Variants in GALNT15 observed in about 807,000 individuals in gnomAD.
The protein encoded by GALNT15 is polypeptide N-acetylgalactosaminyltransferase 15.
GALNT15 carries 67 observed loss-of-function variants against 66.8 expected under a neutral mutation model. The ratio of observed to expected loss-of-function variants is 1.00; its 90% CI spans 0.82 to 1.23. GALNT15 has a LOEUF of 1.23. Ranked by LOEUF, GALNT15 falls within the 50% of genes most tolerant of loss-of-function variation. The pLI is 0.00. For synonymous variants in GALNT15, 313 were observed against 311.5 expected (o/e 1.00, Z -0.05); for missense variants, 827 against 804.3 (o/e 1.03, Z -0.34).
chr3:16,215,906 C>CAAAAAAAAAA, intron 6 of GALNT15, among the ~76,000 whole-genome samples: 1 of 102,616 alleles, frequency 9.7e-6, no homozygotes, highest in African/African-American at 3.6e-5. Context: ...GAGACTCCGC[C>CAAAAAAAAAA]AAAAAAAAAA....
chr3:16,199,670 AGTCC>A (rs2063678009), intron 2 of GALNT15, among the ~76,000 whole-genome samples: 1 of 151,384 alleles, frequency 6.6e-6, no homozygotes, highest in African/African-American at 2.4e-5. Context: ...TTTCAGGTGA[AGTCC>A]AGCCATAGCC....
chr3:16,185,266 C>T (rs2124844512), intron 1 of GALNT15, among the ~76,000 whole-genome samples: 1 of 152,316 alleles, frequency 6.6e-6, no homozygotes, highest in East Asian at 1.9e-4. Context: ...TTACTCTGAG[C>T]TTCCTGGCAG....
rs746532933 is a variant in GALNT15, at chr3:16,208,489, A to G, written c.912-14A>G. ...TGCTTTACGTCCCTTGTTTAATTCCACAATTCTTTCCAGGAGCCGAGTGGT... is the reference window on the plus strand; with the variant it reads ...TGCTTTACGTCCCTTGTTTAATTCCGCAATTCTTTCCAGGAGCCGAGTGGT... On this transcript the variant is annotated splice_polypyrimidine_tract_variant and intron_variant, in intron 3 of 9. Transcript: ENST00000339732. 7 of 1,612,866 alleles carry G rather than the reference A, an allele frequency of 4.3e-6. No homozygotes were observed. Among genetic ancestry groups the G allele is most frequent in the East Asian group, 2.2e-5 (1 of 44,860 alleles).
intron 8 of GALNT15, among the ~76,000 whole-genome samples, chr3:16,220,616 C>T (rs574303610): frequency 6.6e-6 from 1 of 152,230 alleles, no homozygotes; most frequent in Non-Finnish European, 1.5e-5. Context: ...CCTAGCTTGT[C>T]CCCAAGTCTC....
intron 1 of GALNT15, among the ~76,000 whole-genome samples, chr3:16,185,794 A>G (rs2063511331): frequency 6.6e-6 from 1 of 151,286 alleles, no homozygotes; most frequent in African/African-American, 2.4e-5. Context: ...TAGATAGATG[A>G]TAGATTATAG....
chr3:16,243,269 C>G, the GALNT15 span, among the ~76,000 whole-genome samples: 1 of 152,232 alleles, frequency 6.6e-6, no homozygotes, highest in Non-Finnish European at 1.5e-5. Context: ...TCTAAGCCCC[C>G]ATGGAAGTTC....
At chr3:16,232,269 T>G (rs2124914395), downstream of GALNT15, among the ~76,000 whole-genome samples, 1 of 151,454 alleles carries the variant, frequency 6.6e-6, no homozygotes, top group Non-Finnish European at 1.5e-5. Flanking sequence ...ACCAGTGACT[T>G]AAGAGATAAT....
chr3:16,178,563 G>A (rs1361180001), intron 1 of GALNT15, among the ~76,000 whole-genome samples: 1 of 152,128 alleles, frequency 6.6e-6, no homozygotes, highest in Non-Finnish European at 1.5e-5. Flanking sequence ...CCAGGCCTTG[G>A]CTGCAGACTC....
At chr3:16,222,811 G>A (rs2063960056) in intron 9 of GALNT15, 53 bp downstream of exon 9, 1 of 1,598,216 alleles carries the variant, frequency 6.3e-7, no homozygotes, top group African/African-American at 1.3e-5. Context: ...AGAAGGAACT[G>A]CTGGTTGGCA....
chr3:16,231,765 T>C (rs369334970), downstream of GALNT15: 5 of 1,502,720 alleles, frequency 3.3e-6, no homozygotes, highest in African/African-American at 4.2e-5. The surrounding 1 kb of genome is among the most constrained non-coding windows in gnomAD (Gnocchi z 4.1). Flanking sequence ...TTCCTCTCTC[T>C]CTCCCTCCCT....
At chr3:16,241,169 A>C in the GALNT15 span, among the ~76,000 whole-genome samples, 2 of 152,142 alleles carry the variant, frequency 1.3e-5, no homozygotes, top group African/African-American at 4.8e-5. This position sits in a 1 kb window ranked among gnomAD's most constrained non-coding sequence, Gnocchi z 4.6. Flanking sequence ...AATTATCAAA[A>C]AGATGTTTCC....
At chr3:16,233,100 T>TTTTTTG (rs1224807561), downstream of GALNT15, among the ~76,000 whole-genome samples, 3 of 104,618 alleles carry the variant, frequency 2.9e-5, no homozygotes, top group African/African-American at 1.2e-4. Context: ...GCATCTTTTT[T>TTTTTTG]TTTTTTTTTT....
intron 6 of GALNT15, among the ~76,000 whole-genome samples, chr3:16,212,983 G>T (rs1289959897): frequency 6.6e-6 from 1 of 152,090 alleles, no homozygotes; most frequent in East Asian, 1.9e-4. Context: ...TTGGCCTGAA[G>T]CTCCCTAACA....
rs549654443 is a variant in GALNT15 at position 16,225,670 on chromosome 3, G to T, written c.1774-1684G>T. The stretch of plus-strand genomic sequence containing the variant: ...AGATCGTGCCACTGTACTCCAGCCT[G>T]GGTGACAGAGAGAGACTGTCTCAAA... On this transcript the variant is annotated intron_variant, in intron 9 of 9. Transcript: ENST00000339732. The surrounding 1 kb of genome is among the most constrained non-coding windows in gnomAD (Gnocchi z 4.4). Among the ~76,000 whole-genome samples, 1 of 152,128 alleles carries T rather than the reference G, an allele frequency of 6.6e-6. No homozygotes were observed. Among genetic ancestry groups the T allele is most frequent in the African/African-American group, 2.4e-5 (1 of 41,480 alleles).
At chr3:16,244,195 C>T in the GALNT15 span, among the ~76,000 whole-genome samples, 1 of 152,208 alleles carries the variant, frequency 6.6e-6, no homozygotes, top group African/African-American at 2.4e-5. Context: ...CAGTGACTCA[C>T]AGTGCGATGC....
intron 9 of GALNT15, among the ~76,000 whole-genome samples, chr3:16,223,247 T>G (rs2063967054): frequency 6.6e-6 from 1 of 152,202 alleles, no homozygotes; most frequent in Admixed American, 6.5e-5. Context: ...TAGTAAAATT[T>G]TGACCCCTAT....
chr3:16,229,200 G>A lies in GALNT15; in HGVS notation c.*1700G>A, dbSNP rs923307907. 5 of 985,106 alleles carry A rather than the reference G, an allele frequency of 5.1e-6. No homozygotes were observed. The highest frequency in any genetic ancestry group is 1.7e-5 in the African/African-American group (1 of 57,170). 61.0% of individuals were successfully genotyped at this position (985,106 alleles called of 1,614,324 possible). Reference sequence around the variant, plus strand: ...TCCAAACAATACCTATCATAACTACGTATTCATTGTCTACCTGCTAAGTCA... The same window carrying A: ...TCCAAACAATACCTATCATAACTACATATTCATTGTCTACCTGCTAAGTCA... On this transcript the variant is annotated 3_prime_UTR_variant, in exon 10 of 10. Transcript: ENST00000339732.
At position 16,200,701 on chromosome 3, in the gene GALNT15, C is replaced by T; in HGVS notation, c.789C>T (p.Ala263=). ...TCAGGAGCAACAAGAGGCTGGGTGCCATCAGGGCCCGGATGCTGGGGGCCA... is the reference window on the plus strand; with the variant it reads ...TCAGGAGCAACAAGAGGCTGGGTGCTATCAGGGCCCGGATGCTGGGGGCCA... ...KLLRSNKRLG[A]IRARMLGATR... Residue 263 remains alanine (A), a synonymous_variant, in exon 3 of 10, where the codon GCC becomes GCT. Transcript: ENST00000339732. This position sits in a 1 kb window ranked among gnomAD's most constrained non-coding sequence, Gnocchi z 4.4. 1 of 1,610,800 alleles carries T rather than the reference C, an allele frequency of 6.2e-7. No homozygotes were observed. The highest frequency in any genetic ancestry group is 8.5e-7 in the Non-Finnish European group (1 of 1,178,572).
rs116429406 is a variant in GALNT15 at position 16,228,272 on chromosome 3, G to A, written c.*772G>A. On this transcript the variant is annotated 3_prime_UTR_variant, in exon 10 of 10. Coordinates refer to ENST00000339732, the MANE Select transcript of GALNT15 (RefSeq NM_054110.5). ...ACCATAACCAGATTCCCTTGCAATC[G>A]ATTTCTCTTTAGTCGTTGGTGTTAG... The A allele has an allele frequency of 0.019, 19,070 of 985,646 alleles. 199 individuals are homozygous for A. Among genetic ancestry groups the A allele is most frequent in the Non-Finnish European group, 0.021 (17,745 of 829,886 alleles). 61.1% of individuals were successfully genotyped at this position (985,646 alleles called of 1,614,324 possible).
Sources: gnomAD v4.1 joint callset for allele counts (sites outside exome capture counted in the v4.1 genomes callset) on GRCh38, gnomAD v4.1.1 for gene constraint, Gnocchi (gnomAD v3.1) non-coding constraint, MANE v1.5 for transcripts, NCBI Gene and HGNC (gene_info 2026-07-23, HGNC 2026-07-21) for gene names.